DRC1: variants seen among roughly 807,000 people sequenced by gnomAD.
The protein encoded by DRC1 is dynein regulatory complex subunit 1.
A neutral mutation model predicts 98.7 loss-of-function variants in DRC1; 74 were observed. That is an observed-to-expected ratio of 0.75 (90% confidence interval 0.62 to 0.91). The LOEUF is 0.91. Among genes scored for constraint, DRC1 ranks in the 40% least tolerant of loss-of-function variants. DRC1 has a pLI of 0.00. For missense variants in DRC1, 875 were observed against 886.0 expected, an observed-to-expected ratio of 0.99 and a Z score of 0.16; for synonymous variants, 336 against 334.1, an observed-to-expected ratio of 1.01 and a Z score of -0.06.
intron 1 of DRC1, among the ~76,000 whole-genome samples, chr2:26,406,710 T>C (rs972573771): frequency 6.7e-6 from 1 of 150,122 alleles, no homozygotes; most frequent in Admixed American, 6.6e-5. Context: ...AGACTCCTTC[T>C]CAAAAAAACC....
intron 1 of DRC1, among the ~76,000 whole-genome samples, chr2:26,406,571 C>T (rs893491890): frequency 4.6e-5 from 7 of 152,014 alleles, no homozygotes; most frequent in African/African-American, 7.2e-5. Flanking sequence ...ATTAGCCTGG[C>T]TTGGTGGCAC....
rs1664180444 is a variant in DRC1 at position 26,456,507 on chromosome 2, C to T, written c.2213C>T (p.Pro738Leu). ...QVPPTQVLRVPTK is the reference protein window; with the variant it reads ...QVPPTQVLRVLTK ...CCTCCCACTCAGGTGTTGCGGGTAC[C>T]CACAAAATGAGCTGGACCGCCAAAG... The change falls in exon 17 of 17, where the codon CCC (proline) becomes CTC (leucine). Residue 738 changes from proline to leucine, a missense_variant. Physicochemically the swap from Pro to Leu is moderately conservative, Grantham distance 98. Transcript: ENST00000288710. The T allele has an allele frequency of 6.2e-7, 1 of 1,614,012 alleles. No individual in the cohort carries two copies. Among genetic ancestry groups the T allele is most frequent in the African/African-American group, 1.3e-5 (1 of 74,926 alleles).
intron 5 of DRC1, chr2:26,430,490 A>G (rs1463581906): frequency 3.8e-6 from 2 of 525,110 alleles, no homozygotes; most frequent in Admixed American, 4.5e-5. Context: ...CTGCCGTGTG[A>G]CTGCCAACAG....
chr2:26,426,992 T>C (rs1195492325), intron 4 of DRC1, among the ~76,000 whole-genome samples: 2 of 152,214 alleles, frequency 1.3e-5, no homozygotes, highest in Non-Finnish European at 2.9e-5. Flanking sequence ...CTTTGTTAAG[T>C]TTATTCCTAA....
chr2:26,447,907 T>C (rs1034634090), intron 10 of DRC1, among the ~76,000 whole-genome samples: 4 of 151,842 alleles, frequency 2.6e-5, no homozygotes, highest in African/African-American at 9.6e-5. Context: ...TGGCTCTTGC[T>C]GTCAGCTGTC....
chr2:26,411,540 A>G (rs1678609969), intron 1 of DRC1, among the ~76,000 whole-genome samples: 2 of 147,244 alleles, frequency 1.4e-5, no homozygotes, highest in South Asian at 2.2e-4. Context: ...AAAATGATGC[A>G]TAAAAGACAA....
chr2:26,453,636 G>C (rs977967022), intron 14 of DRC1, 87 bp downstream of exon 14: 154 of 1,358,710 alleles, frequency 1.1e-4, no homozygotes, highest in Non-Finnish European at 1.5e-4. Flanking sequence ...AGTGAGTGGA[G>C]AAGAGTCTGC....
At chr2:26,429,515 C>T (rs1663376786) in intron 4 of DRC1, 113 bp from the exon 5 acceptor site, 6 of 1,398,272 alleles carry the variant, frequency 4.3e-6, no homozygotes, top group South Asian at 1.3e-5. Flanking sequence ...CCTCTTTGTA[C>T]AGTTTCATGT....
intron 14 of DRC1, among the ~76,000 whole-genome samples, chr2:26,453,829 T>C (rs907532697): frequency 1.3e-5 from 2 of 152,216 alleles, no homozygotes; most frequent in Non-Finnish European, 2.9e-5. Context: ...TGCCTTGTGA[T>C]CAGAGTAATG....
intron 1 of DRC1, among the ~76,000 whole-genome samples, chr2:26,405,871 G>A (rs894606734): frequency 5.3e-5 from 8 of 151,922 alleles, no homozygotes; most frequent in African/African-American, 1.9e-4. Context: ...TGTTGGCCAG[G>A]CTAGTCTCGA....
intron 2 of DRC1, among the ~76,000 whole-genome samples, chr2:26,418,681 T>C (rs1216565685): frequency 2.3e-5 from 2 of 88,284 alleles, no homozygotes; most frequent in African/African-American, 8.9e-5. Flanking sequence ...TTAAATATAA[T>C]TTATATTATA....
At chr2:26,410,366 G>A (rs1429938356) in intron 1 of DRC1, among the ~76,000 whole-genome samples, 2 of 151,302 alleles carry the variant, frequency 1.3e-5, no homozygotes, top group Non-Finnish European at 2.9e-5. Flanking sequence ...CTGCCTCCTG[G>A]GTTCAAGCAA....
chr2:26,441,394 T>A (rs1439963897), intron 8 of DRC1, among the ~76,000 whole-genome samples: 2 of 152,220 alleles, frequency 1.3e-5, no homozygotes, highest in East Asian at 3.9e-4. Flanking sequence ...TTACAGAAAA[T>A]GATACTGAAT....
chr2:26,455,823 G>A (rs1310402959), intron 16 of DRC1, among the ~76,000 whole-genome samples: 2 of 152,218 alleles, frequency 1.3e-5, no homozygotes, highest in Non-Finnish European at 2.9e-5. Flanking sequence ...CTTCCCCATG[G>A]CCTGGCAAGA....
At chr2:26,430,576 C>T in intron 5 of DRC1, 1 of 653,536 alleles carries the variant, frequency 1.5e-6, no homozygotes, top group Non-Finnish European at 2.9e-6. Context: ...CTCCTCTCCG[C>T]ATTTGGAGTA....
rs532249050 is a variant in DRC1 at position 26,427,806 on chromosome 2, A to G, written c.541-1822A>G. Among the ~76,000 whole-genome samples the G allele has an allele frequency of 2.0e-5, 3 of 152,326 alleles. No homozygotes were observed. The South Asian group carries it at 6.2e-4, about 32-fold the overall frequency. Reference sequence around the variant, plus strand: ...AATTGTTTTAATTTTTAGCTCCCACAAATGAGTGAGAACATGCAAAGTTTG... The same window carrying G: ...AATTGTTTTAATTTTTAGCTCCCACGAATGAGTGAGAACATGCAAAGTTTG... On this transcript the variant is annotated intron_variant, in intron 4 of 16. Coordinates refer to ENST00000288710, the MANE Select transcript of DRC1 (RefSeq NM_145038.5).
At chr2:26,411,201 C>T (rs1014626822) in intron 1 of DRC1, among the ~76,000 whole-genome samples, 2 of 152,180 alleles carry the variant, frequency 1.3e-5, no homozygotes, top group Admixed American at 1.3e-4. Context: ...CATACTAGTT[C>T]TACACTGCTG....
At chr2:26,441,730 C>T (rs548115257) in intron 8 of DRC1, among the ~76,000 whole-genome samples, 6 of 152,082 alleles carry the variant, frequency 3.9e-5, no homozygotes, top group South Asian at 2.1e-4. Context: ...AGGTAGGAGG[C>T]GGGAGGAGGC....
intron 8 of DRC1, among the ~76,000 whole-genome samples, chr2:26,442,469 T>C (rs113614063): frequency 8.5e-5 from 13 of 152,324 alleles, no homozygotes; most frequent in African/African-American, 3.1e-4. Context: ...TTAATGTATT[T>C]GTTTCCTTTG....
Sources: allele counts gnomAD v4.1 joint callset (sites outside exome capture counted in the v4.1 genomes callset), GRCh38; gene constraint gnomAD v4.1.1; transcripts MANE v1.5; gene names NCBI Gene and HGNC (gene_info 2026-07-23, HGNC 2026-07-21).